Variants in REV3L observed in about 807,000 individuals in gnomAD.
REV3L encodes DNA polymerase zeta catalytic subunit.
In REV3L, 69 loss-of-function variants were observed where a neutral mutation model predicts 299.4. The ratio of observed to expected loss-of-function variants is 0.23; its 90% confidence interval spans 0.19 to 0.28. The LOEUF is 0.28. Ranked by LOEUF, REV3L falls within the 10% of genes least tolerant of loss-of-function variation. The pLI is 1.00. For synonymous variants in REV3L, 1,238 were observed against 1,271.4 expected, an observed-to-expected ratio of 0.97 and a Z score of 0.56; for missense variants, 3,128 against 3,693.8, an observed-to-expected ratio of 0.85 and a Z score of 3.97.
At chr6:111,322,925 G>A (rs1217704353) in intron 25 of REV3L, among the ~76,000 whole-genome samples, 2 of 152,046 alleles carry the variant, frequency 1.3e-5, no homozygotes, top group African/African-American at 4.8e-5. Context: ...ACAGTAAGTG[G>A]ACTGCACTTG....
At chr6:111,339,113 T>C (rs1776232817) in intron 21 of REV3L, among the ~76,000 whole-genome samples, 1 of 152,186 alleles carries the variant, frequency 6.6e-6, no homozygotes, top group Non-Finnish European at 1.5e-5. Flanking sequence ...ATGATAATTA[T>C]GGTAATTACT....
chr6:111,401,167 G>A (rs1456962346), intron 4 of REV3L, among the ~76,000 whole-genome samples: 2 of 152,106 alleles, frequency 1.3e-5, no homozygotes, highest in Non-Finnish European at 2.9e-5. Flanking sequence ...TTGCTTTATA[G>A]TAAGTCTCGA....
intron 16 of REV3L, among the ~76,000 whole-genome samples, chr6:111,362,036 A>G (rs1778743252): frequency 6.6e-6 from 1 of 152,184 alleles, no homozygotes; most frequent in Non-Finnish European, 1.5e-5. Flanking sequence ...CAAATGTAAC[A>G]TGTCTTTTTG....
chr6:111,357,042 A>C lies in REV3L; in HGVS notation c.7156T>G (p.Phe2386Val). The C allele has an allele frequency of 6.3e-7, 1 of 1,600,000 alleles. No individual in the cohort carries two copies. Among genetic ancestry groups the C allele is most frequent in the Non-Finnish European group, 8.5e-7 (1 of 1,171,556 alleles). The change falls in exon 18 of 32, where the codon TTT (phenylalanine) becomes GTT (valine). Residue 2386 changes from phenylalanine (F) to valine (V), a missense_variant. Around this residue, in one of 9 missense-constraint regions of REV3L, gnomAD observed 82 missense variants for 142.7 expected, o/e 0.57. Transcript: ENST00000368802. ...VTYAADEKALFHEIANIIKRY... is the reference protein window; with the variant it reads ...VTYAADEKALVHEIANIIKRY... Reference sequence around the variant, plus strand: ...TTTATTATATTTGCAATTTCATGAAAAAGTGCCTTCTCATCAGCAGCATAG... The same window carrying C: ...TTTATTATATTTGCAATTTCATGAACAAGTGCCTTCTCATCAGCAGCATAG...
chr6:111,462,716 G>A (rs1790944692), intron 1 of REV3L, among the ~76,000 whole-genome samples: 1 of 152,124 alleles, frequency 6.6e-6, no homozygotes, highest in Non-Finnish European at 1.5e-5. Context: ...GTATAGATTG[G>A]TATGATCACT....
chr6:111,380,134 T>C lies in REV3L; in HGVS notation c.1302A>G (p.Pro434=), dbSNP rs766115236. The C allele has an allele frequency of 3.1e-6, 5 of 1,614,120 alleles. No individual in the cohort carries two copies. Among genetic ancestry groups the C allele is most frequent in the Non-Finnish European group, 1.7e-6 (2 of 1,179,974 alleles). The stretch of plus-strand genomic sequence containing the variant: ...TATTTCCAAAGGAGCGACATGGTGA[T>C]GGCATCCTATTTCTTTCCCCCCGAT... ...DGYRGERNRM[P]SPCRSFGNNK... The change falls in exon 11 of 32, where the codon CCA becomes CCG. Residue 434 remains proline (P), a synonymous_variant. Transcript: ENST00000368802.
chr6:111,322,954 C>T (rs184267109), intron 25 of REV3L, among the ~76,000 whole-genome samples: 4 of 151,850 alleles, frequency 2.6e-5, no homozygotes, highest in Admixed American at 1.3e-4. Context: ...TACTCAGCTA[C>T]GTTGGATTCT....
chr6:111,434,303 A>T (rs924019176), intron 1 of REV3L, among the ~76,000 whole-genome samples: 4 of 152,148 alleles, frequency 2.6e-5, no homozygotes, highest in Non-Finnish European at 5.9e-5. Flanking sequence ...TGAGGAACTC[A>T]ACCAAAAAAA....
Position 111,405,584 on chromosome 6 carries a change from GGT to G in REV3L, c.449_450del (p.Tyr150SerfsTer4). 1.2e-6 allele frequency: 2 copies of G among 1,602,144 alleles called. No homozygotes were observed. The highest frequency in any genetic ancestry group is 1.7e-6 in the Non-Finnish European group (2 of 1,175,120). Reference protein sequence around the residue: ...LQSGAIMNKFYQPHEAHIPYL... With the variant: ...LQSGAIMNKFXQPHEAHIPYL... ...TAGGGAATATGCGCTTCATGAGGCT[GGT>G]AAAATTTATTCATTATGGCTCCGCT... On this transcript the variant is annotated frameshift_variant, in exon 4 of 32. Transcript: ENST00000368802. LOFTEE classifies it high-confidence loss of function.
At chr6:111,321,534 A>G (rs1214516465) in intron 26 of REV3L, among the ~76,000 whole-genome samples, 2 of 152,208 alleles carry the variant, frequency 1.3e-5, no homozygotes, top group Non-Finnish European at 2.9e-5. Context: ...CAAACTAAGA[A>G]GTGGCTTTTG....
intron 1 of REV3L, among the ~76,000 whole-genome samples, chr6:111,468,998 T>C (rs1269278066): frequency 6.6e-6 from 1 of 151,866 alleles, no homozygotes; most frequent in Non-Finnish European, 1.5e-5. Context: ...CTGTCTCTAC[T>C]AAAAATACAA....
chr6:111,329,609 A>G lies in REV3L; in HGVS notation c.8164T>C (p.Leu2722=). ...ALSRMLDARQ[L]GLKLIANVTF... ...ACATTTGCTATCAGCTTAAGTCCCA[A>G]CTGACGCGCATCAAGCATTCGTGAC... The change falls in exon 25 of 32, where the codon TTG becomes CTG. Residue 2722 remains leucine, a synonymous_variant. Coordinates refer to ENST00000368802, the MANE Select transcript of REV3L (RefSeq NM_001372078.1). 2 of 1,614,118 alleles carry G rather than the reference A, an allele frequency of 1.2e-6. No individual in the cohort carries two copies. Among genetic ancestry groups the G allele is most frequent in the Non-Finnish European group, 1.7e-6 (2 of 1,180,012 alleles).
chr6:111,330,568 T>C (rs1454079230), intron 24 of REV3L, among the ~76,000 whole-genome samples: 2 of 152,098 alleles, frequency 1.3e-5, no homozygotes, highest in Non-Finnish European at 2.9e-5. Flanking sequence ...CTTTACACAC[T>C]GGGTCCAAAA....
At chr6:111,398,753 TA>T (rs1015773331) in intron 4 of REV3L, among the ~76,000 whole-genome samples, 16 of 152,022 alleles carry the variant, frequency 1.1e-4, no homozygotes, top group African/African-American at 2.9e-4. Context: ...TAAAATAAAA[TA>T]AAAAAAATTA....
intron 12 of REV3L, among the ~76,000 whole-genome samples, chr6:111,377,187 A>G (rs1780400345): frequency 6.6e-6 from 1 of 152,210 alleles, no homozygotes; most frequent in Non-Finnish European, 1.5e-5. Flanking sequence ...TAGAAATGAG[A>G]AGCAAATCAT....
At chr6:111,356,166 T>A (rs1778069904) in intron 18 of REV3L, among the ~76,000 whole-genome samples, 1 of 152,102 alleles carries the variant, frequency 6.6e-6, no homozygotes, top group South Asian at 2.1e-4. Flanking sequence ...AGGGTGAGTA[T>A]AACAACATGC....
chr6:111,360,468 A>ATTTTTTTT lies in REV3L; in HGVS notation c.6880-1455_6880-1454insAAAAAAAA, dbSNP rs1362929978. ...GTGCTCATTGTAAATTTGTTAAATA[A>ATTTTTTTT]TCTTTTTTTTTTTTTTTTTTTTTTA... On this transcript the variant is annotated intron_variant, in intron 16 of 31. Coordinates refer to ENST00000368802, the MANE Select transcript of REV3L (RefSeq NM_001372078.1). 2.2e-5 allele frequency among the ~76,000 whole-genome samples: 3 copies of ATTTTTTTT among 133,452 alleles called. 1 individual carries two copies. Among genetic ancestry groups the ATTTTTTTT allele is most frequent in the Non-Finnish European group, 4.9e-5 (3 of 61,438 alleles). The allele number at this position is 133,452 out of a possible 152,430, so 87.5% of individuals were successfully genotyped here. A position where few individuals can be genotyped will look rare whatever the true frequency, so the allele number is the denominator to read the frequency against.
At chr6:111,300,348 A>G (rs1262692786) in intron 31 of REV3L, among the ~76,000 whole-genome samples, 192 bp from the exon 32 acceptor site, 1 of 152,180 alleles carries the variant, frequency 6.6e-6, no homozygotes, top group Non-Finnish European at 1.5e-5. Flanking sequence ...AAAGGATATT[A>G]TTTTGTAAAG....
At chr6:111,435,065 C>A (rs956516138) in intron 1 of REV3L, among the ~76,000 whole-genome samples, 2 of 151,998 alleles carry the variant, frequency 1.3e-5, no homozygotes, top group African/African-American at 4.8e-5. Context: ...ATTAGCTGGA[C>A]GTGGTAGCAC....
Sources: gnomAD v4.1 joint callset for allele counts (sites outside exome capture counted in the v4.1 genomes callset) on GRCh38, gnomAD v4.1.1 for gene constraint, gnomAD v4.1.1 regional missense constraint, MANE v1.5 for transcripts, NCBI Gene and HGNC (gene_info 2026-07-23, HGNC 2026-07-21) for gene names.